Variants in RBFOX1 observed in about 807,000 individuals in gnomAD.
RBFOX1 encodes the protein RNA binding fox-1 homolog 1.
Under a neutral mutation model 57.7 loss-of-function variants are expected in RBFOX1, and 8 were observed. That is an observed-to-expected ratio of 0.14 (90% CI 0.08 to 0.25). The LOEUF (loss-of-function observed/expected upper bound fraction) is 0.25. Among genes scored for constraint, RBFOX1 ranks in the 10% least tolerant of loss-of-function variants. The pLI is 1.00. For missense variants in RBFOX1, 611 were observed against 548.5 expected, an observed-to-expected ratio of 1.11 and a Z score of -1.14; for synonymous variants, 326 against 222.4, an observed-to-expected ratio of 1.47 and a Z score of -4.15.
chr16:5,344,367 A>G (rs1221452156), intron 1 of RBFOX1, among the ~76,000 whole-genome samples: 1 of 152,180 alleles, frequency 6.6e-6, no homozygotes, highest in Non-Finnish European at 1.5e-5. Context: ...GTTTTGCTTT[A>G]AAAACAACCT....
intron 2 of RBFOX1, among the ~76,000 whole-genome samples, chr16:5,492,976 C>T (rs1277690085): frequency 6.6e-6 from 1 of 152,222 alleles, no homozygotes; most frequent in Non-Finnish European, 1.5e-5. Context: ...AACTATGGCC[C>T]ATGGGCCAAA....
intron 3 of RBFOX1, among the ~76,000 whole-genome samples, chr16:5,605,859 G>C (rs193046610): frequency 6.6e-6 from 1 of 152,108 alleles, no homozygotes. Context: ...AGAACAGGAG[G>C]GGAGAGTGCC....
rs371201940 is a variant in RBFOX1 at position 6,928,837 on chromosome 16, A to G, written c.-15-123220A>G. Among the ~76,000 whole-genome samples the G allele has an allele frequency of 6.1e-4, 93 of 152,316 alleles. 2 individuals carry two copies. The Middle Eastern group carries it at 0.01, about 17-fold the overall frequency. Reference sequence around the variant, plus strand: ...AAAGAACAGTAACACACACAAAAAAATCAGCCAGTTAAAACCACCACCACC... The same window carrying G: ...AAAGAACAGTAACACACACAAAAAAGTCAGCCAGTTAAAACCACCACCACC... On this transcript the variant is annotated intron_variant, in intron 3 of 15. Transcript: ENST00000550418.
intron 3 of RBFOX1, among the ~76,000 whole-genome samples, chr16:6,751,495 T>A (rs1487260545): frequency 6.6e-6 from 1 of 152,214 alleles, no homozygotes; most frequent in Admixed American, 6.5e-5. Context: ...GTACAGCAAC[T>A]CTTTGCCTCA....
At chr16:6,524,605 G>T (rs986035228) in intron 2 of RBFOX1, among the ~76,000 whole-genome samples, 25 of 152,144 alleles carry the variant, frequency 1.6e-4, no homozygotes, top group African/African-American at 6.0e-4. Flanking sequence ...GGAGGATTGT[G>T]TTTGTGTTCT....
At chr16:7,340,313 A>T (rs1241554308) in intron 4 of RBFOX1, among the ~76,000 whole-genome samples, 3 of 152,210 alleles carry the variant, frequency 2.0e-5, no homozygotes, top group Non-Finnish European at 4.4e-5. Flanking sequence ...CTGGGGAGCA[A>T]GTGGTGGGTT....
At chr16:6,728,376 G>T (rs57416213) in intron 3 of RBFOX1, among the ~76,000 whole-genome samples, 137,727 of 152,032 alleles carry the variant, frequency 0.91, 63,995 homozygotes, top group East Asian at 1. Flanking sequence ...ATGTCTTGTC[G>T]TTGTTTCTTC....
At chr16:6,599,175 A>G (rs977376470) in intron 2 of RBFOX1, among the ~76,000 whole-genome samples, 1 of 152,166 alleles carries the variant, frequency 6.6e-6, no homozygotes, top group Admixed American at 6.5e-5. Context: ...TCTAACCCAC[A>G]TGTTTCTACT....
At chr16:6,875,872 C>A (rs944990502) in intron 3 of RBFOX1, among the ~76,000 whole-genome samples, 2 of 152,054 alleles carry the variant, frequency 1.3e-5, no homozygotes, top group African/African-American at 2.4e-5. Flanking sequence ...GTGGTCCATG[C>A]GTGGAATCCA....
chr16:5,584,521 C>T (rs1382486386), intron 2 of RBFOX1, among the ~76,000 whole-genome samples: 1 of 152,202 alleles, frequency 6.6e-6, no homozygotes, highest in East Asian at 1.9e-4. Context: ...AGTTCCCTCA[C>T]AAGGGCACAG....
chr16:5,790,947 C>T (rs1349906965), intron 3 of RBFOX1, among the ~76,000 whole-genome samples: 1 of 151,204 alleles, frequency 6.6e-6, no homozygotes, highest in East Asian at 1.9e-4. Flanking sequence ...CGGCACACTG[C>T]AACCTCTGCT....
intron 2 of RBFOX1, among the ~76,000 whole-genome samples, chr16:6,384,060 C>CTTTTTTTTTT (rs5815305): frequency 7.9e-6 from 1 of 126,638 alleles, no homozygotes; most frequent in Non-Finnish European, 1.7e-5. Context: ...ATTGGTTTTG[C>CTTTTTTTTTT]TTTTTTTTTT....
chr16:6,976,268 C>T (rs971013050), intron 3 of RBFOX1, among the ~76,000 whole-genome samples: 2 of 152,286 alleles, frequency 1.3e-5, no homozygotes, highest in South Asian at 2.1e-4. Flanking sequence ...AAGAAACTCA[C>T]CTGTACTGAG....
At chr16:6,126,018 A>G (rs962443459) in intron 1 of RBFOX1, among the ~76,000 whole-genome samples, 1 of 152,204 alleles carries the variant, frequency 6.6e-6, no homozygotes, top group African/African-American at 2.4e-5. Flanking sequence ...TTGTCTTATT[A>G]ACAACTTTAA....
At chr16:6,328,234 T>C (rs1206775950) in intron 2 of RBFOX1, among the ~76,000 whole-genome samples, 2 of 151,896 alleles carry the variant, frequency 1.3e-5, no homozygotes, top group African/African-American at 4.8e-5. Flanking sequence ...GCTATGAGAA[T>C]GCAAAGGCAT....
intron 2 of RBFOX1, among the ~76,000 whole-genome samples, chr16:6,353,273 C>T (rs369035491): frequency 1.8e-4 from 27 of 152,122 alleles, no homozygotes; most frequent in Non-Finnish European, 3.1e-4. Context: ...ATTTCAGCCA[C>T]GTTTGAGAAC....
At chr16:5,952,436 C>T (rs1161219935) in intron 4 of RBFOX1, among the ~76,000 whole-genome samples, 2 of 152,046 alleles carry the variant, frequency 1.3e-5, no homozygotes, top group Non-Finnish European at 2.9e-5. Flanking sequence ...TAGTCGTGTG[C>T]CACCATGCCC....
At chr16:7,428,960 C>T (rs754392276) in intron 4 of RBFOX1, among the ~76,000 whole-genome samples, 2 of 152,034 alleles carry the variant, frequency 1.3e-5, no homozygotes, top group South Asian at 2.1e-4. Flanking sequence ...GCCTGGCGCT[C>T]TGCAAAGAAA....
intron 3 of RBFOX1, among the ~76,000 whole-genome samples, chr16:6,716,217 C>T (rs1409895906): frequency 6.6e-6 from 1 of 152,142 alleles, no homozygotes; most frequent in Non-Finnish European, 1.5e-5. Context: ...AAAAATGATG[C>T]AAGAAATTGC....
Sources: allele counts gnomAD v4.1 joint callset (sites outside exome capture counted in the v4.1 genomes callset), GRCh38; gene constraint gnomAD v4.1.1; transcripts MANE v1.5; gene names NCBI Gene and HGNC (gene_info 2026-07-23, HGNC 2026-07-21).